The following COL24A1 variants were observed in gnomAD, a reference collection of about 807,000 sequenced individuals.
COL24A1 encodes the protein collagen alpha-1(XXIV) chain.
A neutral mutation model predicts 253.9 loss-of-function variants in COL24A1; 224 were observed. That is an observed-to-expected ratio of 0.88 (90% CI 0.79 to 0.99). The LOEUF is 0.99. Ranked by LOEUF, COL24A1 falls within the 50% of genes least tolerant of loss-of-function variation. The pLI is 0.00. For synonymous variants in COL24A1, 685 were observed against 673.7 expected (o/e 1.02, Z -0.26); for missense variants, 2,131 against 2,068.5 (o/e 1.03, Z -0.59).
intron 7 of COL24A1, among the ~76,000 whole-genome samples, chr1:86,068,216 T>C (rs1701631231): frequency 6.6e-6 from 1 of 152,156 alleles, no homozygotes; most frequent in South Asian, 2.1e-4. Flanking sequence ...GCAATCACAG[T>C]ACCTGGTTTT....
intron 53 of COL24A1, among the ~76,000 whole-genome samples, chr1:85,762,484 G>C (rs868252502): frequency 1.3e-5 from 2 of 152,080 alleles, no homozygotes; most frequent in Middle Eastern, 3.4e-3. Flanking sequence ...TACAAAACTT[G>C]TACATAATTA....
At chr1:85,733,941 T>C (rs1269148428) in intron 59 of COL24A1, among the ~76,000 whole-genome samples, 21 of 151,050 alleles carry the variant, frequency 1.4e-4, no homozygotes, top group Non-Finnish European at 2.8e-4. Flanking sequence ...CTTACTCTGC[T>C]GCCCAGGCTG....
intron 32 of COL24A1, among the ~76,000 whole-genome samples, chr1:85,882,883 T>A (rs899191594): frequency 6.6e-6 from 1 of 152,214 alleles, no homozygotes; most frequent in African/African-American, 2.4e-5. Flanking sequence ...TTTTCCTTGT[T>A]CTGAAGTCTG....
chr1:85,943,842 G>A (rs147507840), intron 24 of COL24A1, among the ~76,000 whole-genome samples: 113 of 152,218 alleles, frequency 7.4e-4, no homozygotes, highest in East Asian at 4.6e-3. Context: ...AATTTGCTGC[G>A]CTATGTATTT....
At chr1:85,764,263 T>C (rs754035250) in intron 53 of COL24A1, among the ~76,000 whole-genome samples, 23 of 152,092 alleles carry the variant, frequency 1.5e-4, no homozygotes, top group Non-Finnish European at 3.4e-4. Context: ...GGGGGACAAA[T>C]GGCTCCTGGT....
At chr1:85,850,824 A>G (rs908429367) in intron 37 of COL24A1, among the ~76,000 whole-genome samples, 1 of 152,138 alleles carries the variant, frequency 6.6e-6, no homozygotes, top group Admixed American at 6.6e-5. Context: ...GACTAGACTT[A>G]TGATGAAGAG....
intron 10 of COL24A1, among the ~76,000 whole-genome samples, chr1:86,052,639 T>A (rs1559130366): frequency 6.6e-6 from 1 of 152,034 alleles, no homozygotes; most frequent in Non-Finnish European, 1.5e-5. Context: ...ATGAAAAAAG[T>A]TTTTAAGATG....
At chr1:86,140,540 T>C (rs1170427015) in intron 2 of COL24A1, among the ~76,000 whole-genome samples, 2 of 152,234 alleles carry the variant, frequency 1.3e-5, no homozygotes, top group East Asian at 3.8e-4. Context: ...CTGTTAACAA[T>C]AAACACATTT....
rs79159470 is a variant in COL24A1 at position 85,941,827 on chromosome 1, T to C, written c.2562+19422A>G. Among the ~76,000 whole-genome samples, 1,410 of 152,282 alleles carry C rather than the reference T, an allele frequency of 9.3e-3. 14 individuals are homozygous for C. The highest frequency in any genetic ancestry group is 0.015 in the Non-Finnish European group (1,041 of 68,006). On this transcript the variant is annotated intron_variant, in intron 24 of 59. Transcript: ENST00000370571. Reference sequence around the variant, plus strand: ...AAACTTACTTGATCTTCTAAACTCATGTGTGCTCTTTTGAGTGTAGGGGCT... The same window carrying C: ...AAACTTACTTGATCTTCTAAACTCACGTGTGCTCTTTTGAGTGTAGGGGCT...
chr1:86,081,017 T>C (rs1702595300), intron 7 of COL24A1, among the ~76,000 whole-genome samples: 1 of 152,170 alleles, frequency 6.6e-6, no homozygotes, highest in Non-Finnish European at 1.5e-5. Flanking sequence ...TTAAAAACTC[T>C]CTTACTGTTG....
At chr1:86,042,697 T>C (rs1699593566) in intron 12 of COL24A1, among the ~76,000 whole-genome samples, 1 of 152,152 alleles carries the variant, frequency 6.6e-6, no homozygotes, top group Admixed American at 6.5e-5. Context: ...ACTAAGCTCA[T>C]TCATGACAAC....
chr1:85,838,994 G>A (rs1171655766), intron 42 of COL24A1, among the ~76,000 whole-genome samples: 1 of 152,142 alleles, frequency 6.6e-6, no homozygotes, highest in Non-Finnish European at 1.5e-5. Flanking sequence ...GAGCCCAGGA[G>A]TTCGAGACCA....
At chr1:85,989,079 A>G (rs1395295128) in intron 19 of COL24A1, among the ~76,000 whole-genome samples, 2 of 152,086 alleles carry the variant, frequency 1.3e-5, no homozygotes, top group Non-Finnish European at 2.9e-5. Context: ...TGATAATTTT[A>G]CACCCTTTCT....
chr1:85,871,673 A>G lies in COL24A1; in HGVS notation c.3139-2838T>C, dbSNP rs550043650. On this transcript the variant is annotated intron_variant, in intron 35 of 59. Transcript: ENST00000370571. ...CCTTCATGCTAAAAACTCTCCATTAATTAGGTATTGATGGGACATATCTCA... is the reference window on the plus strand; with the variant it reads ...CCTTCATGCTAAAAACTCTCCATTAGTTAGGTATTGATGGGACATATCTCA... Among the ~76,000 whole-genome samples the G allele has an allele frequency of 5.9e-5, 9 of 152,322 alleles. No individual in the cohort carries two copies. The East Asian group carries it at 1.5e-3, about 26-fold the overall frequency.
intron 7 of COL24A1, among the ~76,000 whole-genome samples, chr1:86,084,999 A>C (rs1165837086): frequency 6.6e-6 from 1 of 152,234 alleles, no homozygotes; most frequent in Non-Finnish European, 1.5e-5. Context: ...ATAATAAGCC[A>C]GTGAGAGATG....
intron 24 of COL24A1, among the ~76,000 whole-genome samples, chr1:85,947,978 G>C (rs1689493089): frequency 6.7e-6 from 1 of 149,774 alleles, no homozygotes; most frequent in Non-Finnish European, 1.5e-5. Flanking sequence ...TTTGAAATTG[G>C]TATTTTTGAA....
intron 19 of COL24A1, among the ~76,000 whole-genome samples, chr1:85,998,682 G>T (rs1216858623): frequency 6.6e-6 from 1 of 152,174 alleles, no homozygotes; most frequent in African/African-American, 2.4e-5. Context: ...CTGAAGCAAA[G>T]GGCAGGAAGG....
intron 39 of COL24A1, among the ~76,000 whole-genome samples, chr1:85,845,550 T>C (rs1166818459): frequency 1.3e-5 from 2 of 151,894 alleles, no homozygotes; most frequent in African/African-American, 4.8e-5. Context: ...ACTGCTATAG[T>C]AGAAGTTCTA....
At chr1:85,791,204 T>G (rs1336538863) in intron 47 of COL24A1, among the ~76,000 whole-genome samples, 1 of 152,170 alleles carries the variant, frequency 6.6e-6, no homozygotes, top group Non-Finnish European at 1.5e-5. Context: ...TGGTTCTTGA[T>G]GAGTCAATAG....
Sources: gnomAD v4.1 joint callset for allele counts (sites outside exome capture counted in the v4.1 genomes callset) on GRCh38, gnomAD v4.1.1 for gene constraint, MANE v1.5 for transcripts, NCBI Gene and HGNC (gene_info 2026-07-23, HGNC 2026-07-21) for gene names.